Variants in GSE1 observed in about 807,000 individuals in gnomAD.
GSE1 encodes genetic suppressor element 1.
A neutral mutation model predicts 112.6 loss-of-function variants in GSE1; 32 were observed. The ratio of observed to expected loss-of-function variants is 0.28; its 90% CI spans 0.21 to 0.38. GSE1 has a LOEUF of 0.38. Among genes scored for constraint, GSE1 ranks in the 10% least tolerant of loss-of-function variants. The pLI, the probability that GSE1 is intolerant of heterozygous loss-of-function variation, is 1.00. For missense variants in GSE1, 2,348 were observed against 1,699.2 expected, an observed-to-expected ratio of 1.38 and a Z score of -6.71; for synonymous variants, 1,115 against 735.6, an observed-to-expected ratio of 1.52 and a Z score of -8.35.
chr16:85,607,995 TC>T (rs953279200), upstream of GSE1, among the ~76,000 whole-genome samples: 348 of 151,846 alleles, frequency 2.3e-3, no homozygotes, highest in African/African-American at 8.0e-3. Context: ...TCTGTATTCC[TC>T]CCCCCCATGA....
chr16:85,639,239 C>T (rs963224594), intron 2 of GSE1, among the ~76,000 whole-genome samples: 16 of 152,232 alleles, frequency 1.1e-4, no homozygotes, highest in East Asian at 5.8e-4. Context: ...GGCCAGCTCC[C>T]GCTGTAGCCC....
intron 1 of GSE1, among the ~76,000 whole-genome samples, chr16:85,208,332 G>A (rs893137612): frequency 6.6e-5 from 10 of 152,164 alleles, no homozygotes; most frequent in African/African-American, 1.9e-4. Flanking sequence ...AACGGTCTGC[G>A]GAGTTCTCAG....
chr16:85,453,311 C>G (rs1030544518), intron 2 of GSE1, among the ~76,000 whole-genome samples: 2 of 152,154 alleles, frequency 1.3e-5, no homozygotes, highest in Non-Finnish European at 1.5e-5. Context: ...CTTCCCTCCG[C>G]GGAGGCTGGG....
chr16:85,184,825 G>T (rs746968423), intron 1 of GSE1, among the ~76,000 whole-genome samples: 3 of 152,106 alleles, frequency 2.0e-5, no homozygotes, highest in Non-Finnish European at 4.4e-5. Context: ...ACTCTGTATG[G>T]CTTTAATCCT....
chr16:85,300,212 A>G (rs1050599052), intron 1 of GSE1, among the ~76,000 whole-genome samples: 4 of 152,064 alleles, frequency 2.6e-5, no homozygotes, highest in African/African-American at 9.7e-5. Context: ...GGGTTTCTCC[A>G]TGTTGGTCAG....
intron 2 of GSE1, among the ~76,000 whole-genome samples, chr16:85,466,697 TATATAGAGAGAGAGAGGG>T (rs926531914): frequency 9.7e-5 from 12 of 123,922 alleles, no homozygotes; most frequent in African/African-American, 4.0e-4. Context: ...GAAATATATA[TATATAGAGAGAGAGAGGG>T]AGAGAGGGAG....
At chr16:85,504,424 A>C (rs139558334) in intron 2 of GSE1, among the ~76,000 whole-genome samples, 2 of 152,332 alleles carry the variant, frequency 1.3e-5, no homozygotes, top group Non-Finnish European at 2.9e-5. Flanking sequence ...GGACAGCTGC[A>C]GCCCGCAGAG....
At chr16:85,235,941 G>T (rs1340104842) in intron 1 of GSE1, among the ~76,000 whole-genome samples, 1 of 151,880 alleles carries the variant, frequency 6.6e-6, no homozygotes, top group Admixed American at 6.6e-5. Flanking sequence ...TCTGGGGAGC[G>T]AGGCTGCAGC....
chr16:85,532,567 C>T (rs1245300451), intron 2 of GSE1, among the ~76,000 whole-genome samples: 1 of 152,160 alleles, frequency 6.6e-6, no homozygotes, highest in East Asian at 1.9e-4. Context: ...TGGCCTAGCG[C>T]TGGGGACCCC....
chr16:85,401,619 G>A (rs987293192), intron 2 of GSE1, among the ~76,000 whole-genome samples: 4 of 152,186 alleles, frequency 2.6e-5, no homozygotes, highest in Non-Finnish European at 4.4e-5. Context: ...ACACTCTGCC[G>A]AGGCCAGGGT....
chr16:85,657,549 A>G lies in GSE1; in HGVS notation c.1585A>G (p.Met529Val), dbSNP rs950595205. 1.9e-6 allele frequency: 3 copies of G among 1,592,512 alleles called. No homozygotes were observed. The highest frequency in any genetic ancestry group is 2.6e-6 in the Non-Finnish European group (3 of 1,168,734). Reference protein sequence around the residue: ...RQQVLEQHLDMGRPPVPAEAE... With the variant: ...RQQVLEQHLDVGRPPVPAEAE... ...GCAGGTGCTGGAGCAGCACCTGGAT[A>G]TGGGCCGGCCCCCGGTGCCGGCGGA... The change falls in exon 8 of 16, where the codon ATG (methionine) becomes GTG (valine). Residue 529 changes from methionine to valine, a missense_variant. Met to Val is a conservative substitution (Grantham distance 21, BLOSUM62 1). Transcript: ENST00000253458.
intron 2 of GSE1, among the ~76,000 whole-genome samples, chr16:85,445,031 C>A (rs9673732): frequency 6.6e-6 from 1 of 152,226 alleles, no homozygotes; most frequent in African/African-American, 2.4e-5. Flanking sequence ...TCCCGCCGCA[C>A]GCAGGCAGGG....
intron 1 of GSE1, among the ~76,000 whole-genome samples, chr16:85,317,109 T>C (rs1308078619): frequency 6.6e-6 from 1 of 152,236 alleles, no homozygotes; most frequent in Non-Finnish European, 1.5e-5. Flanking sequence ...GAGCGTTTAC[T>C]GAGCACCTGT....
exon 1 of GSE1, chr16:85,169,630 G>A (rs1429554107): frequency 7.1e-6 from 7 of 983,502 alleles, no homozygotes; most frequent in African/African-American, 1.8e-5. Context: ...CTGCGGCGGC[G>A]GCATCGGGCG....
In GSE1 at chr16:85,182,568, A is replaced by G. The variant is rs147312455; in HGVS notation, c.2283+10761A>G. On this transcript the variant is annotated intron_variant, in intron 1 of 2. Transcript: ENST00000637419. ...GCAGGGTCTGGTTTTCTGAGCGCCC[A>G]GGGGTGTGACTGCTGGATGCCTCCT... 5.3e-5 allele frequency among the ~76,000 whole-genome samples: 8 copies of G among 152,290 alleles called. No individual in the cohort carries two copies. In the East Asian group the frequency reaches 1.5e-3, roughly 29 times the overall value.
chr16:85,640,253 C>T (rs540770394), intron 2 of GSE1, among the ~76,000 whole-genome samples: 1 of 152,206 alleles, frequency 6.6e-6, no homozygotes, highest in East Asian at 1.9e-4. Context: ...CACTTCGCTC[C>T]CTTAACACCG....
At chr16:85,208,252 A>C (rs1229419448) in intron 1 of GSE1, among the ~76,000 whole-genome samples, 1 of 151,982 alleles carries the variant, frequency 6.6e-6, no homozygotes, top group African/African-American at 2.4e-5. Flanking sequence ...CCGGATGGAG[A>C]GGGACCCCAC....
At chr16:85,280,061 A>G (rs904547983) in intron 1 of GSE1, among the ~76,000 whole-genome samples, 1 of 152,210 alleles carries the variant, frequency 6.6e-6, no homozygotes, top group African/African-American at 2.4e-5. Flanking sequence ...TGAGGGCTGC[A>G]GTTCTGTTGG....
At chr16:85,295,433 G>A (rs1201952672) in intron 1 of GSE1, among the ~76,000 whole-genome samples, 2 of 152,372 alleles carry the variant, frequency 1.3e-5, no homozygotes, top group African/African-American at 2.4e-5. Flanking sequence ...ATTCCACCGT[G>A]CGCGTAGACC....
Sources: allele counts gnomAD v4.1 joint callset (sites outside exome capture counted in the v4.1 genomes callset), GRCh38; gene constraint gnomAD v4.1.1; transcripts MANE v1.5; gene names NCBI Gene and HGNC (gene_info 2026-07-23, HGNC 2026-07-21).